The following NTRK3 variants were observed in gnomAD, a reference collection of about 807,000 sequenced individuals.
NTRK3 encodes neurotrophic receptor tyrosine kinase 3.
Under a neutral mutation model 91.7 loss-of-function variants are expected in NTRK3, and 24 were observed. That is an observed-to-expected ratio of 0.26 (90% CI 0.19 to 0.37). The LOEUF (loss-of-function observed/expected upper bound fraction) is 0.37. Among genes scored for constraint, NTRK3 ranks in the 10% least tolerant of loss-of-function variants. The pLI is 1.00. For missense variants in NTRK3, 880 were observed against 1,068.9 expected (o/e 0.82, Z 2.46); for synonymous variants, 483 against 404.0 (o/e 1.20, Z -2.34).
chr15:88,083,145 G>T, intron 13 of NTRK3, among the ~76,000 whole-genome samples: 1 of 152,140 alleles, frequency 6.6e-6, no homozygotes. Context: ...ACAGAGATCT[G>T]CAACAGAAGT....
Position 87,866,428 on chromosome 15 carries a change from AAT to A in NTRK3, c.*10505_*10506del, listed in dbSNP as rs376980136. 1,604 of 161,976 alleles carry A rather than the reference AAT, an allele frequency of 9.9e-3. 1 individual carries two copies. The highest frequency in any genetic ancestry group is 0.031 in the East Asian group (248 of 7,928). The allele number at this position is 161,976 out of a possible 1,614,324, so 10.0% of individuals were successfully genotyped here. Reference sequence around the variant, plus strand: ...AAGTATACATTTACATATATATGTAAATATATATATATATATACACACACACC... The same window carrying A: ...AAGTATACATTTACATATATATGTAAATATATATATATATACACACACACC... On this transcript the variant is annotated 3_prime_UTR_variant, in exon 19 of 19. Coordinates refer to ENST00000394480, the Ensembl canonical transcript of NTRK3.
chr15:88,138,786 T>C (rs1405553252), intron 6 of NTRK3, among the ~76,000 whole-genome samples: 2 of 152,372 alleles, frequency 1.3e-5, no homozygotes, highest in Middle Eastern at 3.4e-3. Context: ...ATATTTATTT[T>C]TAATTAGTTT....
At chr15:87,884,522 T>C (rs1214666583) in intron 17 of NTRK3, among the ~76,000 whole-genome samples, 2 of 151,904 alleles carry the variant, frequency 1.3e-5, no homozygotes, top group East Asian at 3.9e-4. Flanking sequence ...CTTACATGTA[T>C]ATTTACATAA....
intron 14 of NTRK3, among the ~76,000 whole-genome samples, chr15:87,982,876 C>T (rs2074411022): frequency 6.8e-6 from 1 of 146,156 alleles, no homozygotes; most frequent in African/African-American, 2.7e-5. Context: ...GTGCTCTGGC[C>T]TTGGGATTCT....
intron 13 of NTRK3, among the ~76,000 whole-genome samples, chr15:88,100,971 C>G (rs2050114460): frequency 6.6e-6 from 1 of 152,178 alleles, no homozygotes; most frequent in Non-Finnish European, 1.5e-5. Context: ...GACTTCATGT[C>G]TAAAACACCA....
At chr15:88,196,304 G>C (rs907604729) in intron 3 of NTRK3, among the ~76,000 whole-genome samples, 2 of 152,124 alleles carry the variant, frequency 1.3e-5, no homozygotes, top group Admixed American at 6.5e-5. Context: ...AGAAAGACAA[G>C]ATCACATTTG....
At position 88,241,533 on chromosome 15, in the gene NTRK3, T is replaced by C. The variant is rs2052350919; in HGVS notation, c.248+14373A>G. Among the ~76,000 whole-genome samples the C allele has an allele frequency of 6.6e-6, 1 of 152,116 alleles. No homozygotes were observed. The highest frequency in any genetic ancestry group is 2.1e-4 in the South Asian group (1 of 4,824). ...TTCCCCAGGGCCCAGGGAGCTGCTC[T>C]GGGCTGGAAAGGAGGAGGGAGGGTG... On this transcript the variant is annotated intron_variant, in intron 3 of 18. Transcript: ENST00000394480. The surrounding 1 kb of genome is among the most constrained non-coding windows in gnomAD (Gnocchi z 4.3).
chr15:88,033,012 G>A (rs2078692796), exon 14 of NTRK3: 1 of 1,603,022 alleles, frequency 6.2e-7, no homozygotes, highest in Non-Finnish European at 8.5e-7. Flanking sequence ...TGGGCTGGCT[G>A]AGTCCTCCTC....
At chr15:88,009,556 T>G (rs533633203) in intron 14 of NTRK3, among the ~76,000 whole-genome samples, 4 of 152,348 alleles carry the variant, frequency 2.6e-5, no homozygotes, top group Non-Finnish European at 5.9e-5. Context: ...TGTCAAGTTT[T>G]ACTTGCTAGC....
At position 87,932,444 on chromosome 15, in the gene NTRK3, A is replaced by G. The variant is rs532853628; in HGVS notation, c.1889+568T>C. ...TTTAATTAATGTAAATCTAAATTTA[A>G]GTGGCCATAGGTGGACACTGTACTG... On this transcript the variant is annotated intron_variant, in intron 16 of 18. Transcript: ENST00000394480. 3.9e-5 allele frequency among the ~76,000 whole-genome samples: 6 copies of G among 152,332 alleles called. No individual in the cohort carries two copies. In the South Asian group the frequency reaches 1.2e-3, roughly 32 times the overall value.
chr15:88,028,477 G>A (rs1328157067), intron 14 of NTRK3, among the ~76,000 whole-genome samples: 1 of 152,150 alleles, frequency 6.6e-6, no homozygotes, highest in East Asian at 1.9e-4. Flanking sequence ...GGCTCCTGGG[G>A]AAAAGAAACA....
chr15:88,186,155 C>G (rs1567608109), intron 3 of NTRK3, among the ~76,000 whole-genome samples: 1 of 152,192 alleles, frequency 6.6e-6, no homozygotes. Flanking sequence ...AGTAGATCAC[C>G]ATGATTGTAC....
intron 14 of NTRK3, among the ~76,000 whole-genome samples, chr15:88,027,345 A>G (rs2078121808): frequency 6.6e-6 from 1 of 152,174 alleles, no homozygotes; most frequent in Admixed American, 6.5e-5. Flanking sequence ...GGCTGTTGAT[A>G]CAAATCAATA....
chr15:88,034,115 C>T (rs1375249464), intron 13 of NTRK3, among the ~76,000 whole-genome samples: 1 of 152,150 alleles, frequency 6.6e-6, no homozygotes, highest in Non-Finnish European at 1.5e-5. Flanking sequence ...CTATCTTTTA[C>T]TGCACTCAGC....
At chr15:87,922,398 C>G (rs1051853705) in intron 17 of NTRK3, among the ~76,000 whole-genome samples, 1 of 152,136 alleles carries the variant, frequency 6.6e-6, no homozygotes, top group African/African-American at 2.4e-5. Flanking sequence ...TCAGGTCCTC[C>G]CATTAAACTA....
At chr15:88,146,821 G>A (rs2151307257) in intron 6 of NTRK3, among the ~76,000 whole-genome samples, 1 of 152,296 alleles carries the variant, frequency 6.6e-6, no homozygotes, top group South Asian at 2.1e-4. Flanking sequence ...GTCAAAAGGT[G>A]TGGGTTCAAG....
rs997790863 is a variant in NTRK3 at position 88,237,413 on chromosome 15, G to C, written c.248+18493C>G. 3.9e-5 allele frequency among the ~76,000 whole-genome samples: 6 copies of C among 152,196 alleles called. No homozygotes were observed. Among genetic ancestry groups the C allele is most frequent in the Admixed American group, 1.3e-4 (2 of 15,284 alleles). The stretch of plus-strand genomic sequence containing the variant: ...GCTAAACCACATCCCCAGAGCTGAA[G>C]GTCCCAGCCCGTTGTCATTGTGTGG... On this transcript the variant is annotated intron_variant, in intron 3 of 18. Coordinates refer to ENST00000394480, the Ensembl canonical transcript of NTRK3. This position sits in a 1 kb window ranked among gnomAD's most constrained non-coding sequence, Gnocchi z 4.0.
chr15:88,256,093 C>T (rs200822610), exon 3 of NTRK3: 8 of 1,611,938 alleles, frequency 5.0e-6, no homozygotes, highest in East Asian at 2.2e-5. Context: ...TCCAGCCAGA[C>T]GCTTCCCAGC....
chr15:88,060,239 C>T (rs898154171), intron 13 of NTRK3, among the ~76,000 whole-genome samples: 1 of 151,994 alleles, frequency 6.6e-6, no homozygotes, highest in Admixed American at 6.5e-5. Context: ...CAAAAATTAG[C>T]CAGGCATGGT....
Sources: gnomAD v4.1 joint callset for allele counts (sites outside exome capture counted in the v4.1 genomes callset) on GRCh38, gnomAD v4.1.1 for gene constraint, Gnocchi (gnomAD v3.1) non-coding constraint, MANE v1.5 for transcripts, NCBI Gene and HGNC (gene_info 2026-07-23, HGNC 2026-07-21) for gene names.